The following PDE8B variants were observed in gnomAD, a reference collection of about 807,000 sequenced individuals.
PDE8B encodes the protein high affinity cAMP-specific and IBMX-insensitive 3',5'-cyclic phosphodiesterase 8B.
PDE8B carries 26 observed loss-of-function variants against 101.3 expected under a neutral mutation model. That is an observed-to-expected ratio of 0.26 (90% CI 0.19 to 0.36). The LOEUF is 0.36. PDE8B is among the 10% of genes least tolerant of loss of function. The pLI is 1.00. For missense variants in PDE8B, 810 were observed against 1,163.1 expected, an observed-to-expected ratio of 0.70 and a Z score of 4.42; for synonymous variants, 424 against 429.3, an observed-to-expected ratio of 0.99 and a Z score of 0.15.
At chr5:77,114,636 A>G in the PDE8B span, 1 of 152,238 alleles carries the variant, frequency 6.6e-6, no homozygotes, top group Non-Finnish European at 1.5e-5. Flanking sequence ...CGTTGTGCAC[A>G]TGTACGCTAG....
At chr5:77,139,184 C>T in the PDE8B span, 1 of 152,280 alleles carries the variant, frequency 6.6e-6, no homozygotes, top group Admixed American at 6.5e-5. Flanking sequence ...ATGATGGTTG[C>T]TAAGCGAAAC....
In PDE8B at chr5:77,378,320, G is replaced by A. The variant is rs529159720; in HGVS notation, c.1168-21928G>A. Among the ~76,000 whole-genome samples, 194 of 151,970 alleles carry A rather than the reference G, an allele frequency of 1.3e-3. 1 individual carries two copies. Among genetic ancestry groups the A allele is most frequent in the African/African-American group, 4.5e-3 (188 of 41,428 alleles). The stretch of plus-strand genomic sequence containing the variant: ...CTAAAAATACAAAAATCAGCTGGGT[G>A]TGGTGCTACACACCTGTAGTCCCAG... On this transcript the variant is annotated intron_variant, in intron 10 of 21. Transcript: ENST00000264917.
chr5:77,374,588 T>C (rs918850374), intron 10 of PDE8B, among the ~76,000 whole-genome samples: 1 of 152,240 alleles, frequency 6.6e-6, no homozygotes, highest in African/African-American at 2.4e-5. Context: ...TAGCCTAATA[T>C]GGTACCAATT....
intron 1 of PDE8B, among the ~76,000 whole-genome samples, chr5:77,272,967 T>C (rs748992433): frequency 6.6e-6 from 1 of 152,198 alleles, no homozygotes; most frequent in African/African-American, 2.4e-5. Flanking sequence ...TGATTTTGAA[T>C]GGGCCTAATT....
chr5:77,100,225 T>G, the PDE8B span: 4 of 152,210 alleles, frequency 2.6e-5, no homozygotes, highest in Admixed American at 2.6e-4. Flanking sequence ...CTCACGTTTT[T>G]CCTCTCCTAG....
chr5:77,225,322 A>G (rs997943550), intron 1 of PDE8B, among the ~76,000 whole-genome samples: 5 of 152,236 alleles, frequency 3.3e-5, no homozygotes, highest in African/African-American at 1.2e-4. Context: ...CTATAAAATT[A>G]TCAGTTTATA....
chr5:77,394,812 A>AT (rs1265980587), intron 10 of PDE8B, among the ~76,000 whole-genome samples: 28 of 152,104 alleles, frequency 1.8e-4, no homozygotes, highest in Admixed American at 1.8e-3. Context: ...CCCCTAGACC[A>AT]TTTTACCCTC....
chr5:77,367,306 T>C (rs1784322723), intron 10 of PDE8B, among the ~76,000 whole-genome samples: 1 of 152,154 alleles, frequency 6.6e-6, no homozygotes, highest in Non-Finnish European at 1.5e-5. Flanking sequence ...TGGGGTACAC[T>C]CTGGTTCCTC....
At chr5:77,169,016 CAG>C in the PDE8B span, among the ~76,000 whole-genome samples, 5 of 152,174 alleles carry the variant, frequency 3.3e-5, no homozygotes, top group African/African-American at 1.2e-4. Context: ...GTAAAACCAA[CAG>C]AGTCTGGGGA....
chr5:77,377,496 C>T (rs376565751), intron 10 of PDE8B, among the ~76,000 whole-genome samples: 15 of 152,314 alleles, frequency 9.8e-5, no homozygotes, highest in African/African-American at 3.4e-4. Flanking sequence ...TTAAAAGCCA[C>T]GGGCTAATAT....
Position 77,210,805 on chromosome 5 carries a change from G to C in PDE8B, c.-121G>C, listed in dbSNP as rs1459532478. On this transcript the variant is annotated 5_prime_UTR_variant, in exon 1 of 22. Transcript: ENST00000264917. This position sits in a 1 kb window ranked among gnomAD's most constrained non-coding sequence, Gnocchi z 4.9. ...AGCCCGACGGAGCGGCGGACACACAGGCCGGGGGGCGCGCAGTCCGGGCGC... is the reference window on the plus strand; with the variant it reads ...AGCCCGACGGAGCGGCGGACACACACGCCGGGGGGCGCGCAGTCCGGGCGC... 24 of 984,474 alleles carry C rather than the reference G, an allele frequency of 2.4e-5. No homozygotes were observed. Among genetic ancestry groups the C allele is most frequent in the Non-Finnish European group, 2.9e-5 (24 of 830,902 alleles). 61.0% of individuals were successfully genotyped at this position (984,474 alleles called of 1,614,324 possible). A position where few individuals can be genotyped will look rare whatever the true frequency, so the allele number is the denominator to read the frequency against.
In PDE8B at chr5:77,411,679, G is replaced by A. The variant is rs774186250; in HGVS notation, c.1534G>A (p.Gly512Ser). Residue 512 changes from glycine (G) to serine (S), a missense_variant, in exon 15 of 22, where the codon GGC becomes AGC. This residue lies in a region of PDE8B where 325 missense variants were observed against 560.9 expected (regional missense o/e 0.58). Transcript: ENST00000264917. ...SDLVGGLMTD[G>S]LRRLSGNEYV... ...ACAGGCTCTTCCTTTATTCCAGGAC[G>A]GCTTGAGAAGACTGTCAGGAAACGA... The A allele has an allele frequency of 3.7e-6, 6 of 1,610,334 alleles. No homozygotes were observed. The highest frequency in any genetic ancestry group is 1.3e-5 in the African/African-American group (1 of 74,914).
At chr5:77,100,041 A>C in the PDE8B span, among the ~76,000 whole-genome samples, 2 of 152,238 alleles carry the variant, frequency 1.3e-5, no homozygotes, top group South Asian at 2.1e-4. Context: ...GTTAGGAAGA[A>C]CTGGTACAGA....
chr5:77,157,552 G>T, the PDE8B span, among the ~76,000 whole-genome samples: 2 of 152,216 alleles, frequency 1.3e-5, no homozygotes, highest in Admixed American at 6.5e-5. Context: ...TAAGTCATGA[G>T]GCGAACTATA....
At chr5:77,097,843 C>G in the PDE8B span, among the ~76,000 whole-genome samples, 1 of 148,182 alleles carries the variant, frequency 6.7e-6, no homozygotes, top group African/African-American at 2.5e-5. Context: ...CTACAGCACA[C>G]CAAGGGTTAC....
At chr5:77,274,551 G>T (rs1417131180) in intron 1 of PDE8B, among the ~76,000 whole-genome samples, 2 of 152,290 alleles carry the variant, frequency 1.3e-5, no homozygotes, top group East Asian at 3.9e-4. Context: ...TACATGTGGG[G>T]GACAAATGGA....
At chr5:77,149,618 G>T in the PDE8B span, among the ~76,000 whole-genome samples, 1 of 152,110 alleles carries the variant, frequency 6.6e-6, no homozygotes, top group South Asian at 2.1e-4. Flanking sequence ...TTGAGGCTTT[G>T]TGAATAGAAT....
intron 10 of PDE8B, chr5:77,358,513 G>A: frequency 1.2e-6 from 1 of 807,268 alleles, no homozygotes; most frequent in Non-Finnish European, 1.5e-6. Context: ...TTCCTCCTAT[G>A]TATGCCCCAT....
chr5:77,384,077 A>G lies in PDE8B; in HGVS notation c.1168-16171A>G, dbSNP rs527946637. ...GAATCTCTAAATTACTATGGGCAGT[A>G]TGGCCATTTTTCATGATATTGATTC... is the stretch of plus-strand genomic sequence containing the variant. On this transcript the variant is annotated intron_variant, in intron 10 of 21. Transcript: ENST00000264917. Among the ~76,000 whole-genome samples the G allele has an allele frequency of 5.3e-5, 8 of 152,276 alleles. No individual in the cohort carries two copies. In the South Asian group the frequency reaches 1.7e-3, roughly 32 times the overall value.
Sources: allele counts gnomAD v4.1 joint callset (sites outside exome capture counted in the v4.1 genomes callset), GRCh38; gene constraint gnomAD v4.1.1; regional missense constraint gnomAD v4.1.1; non-coding constraint Gnocchi (gnomAD v3.1); transcripts MANE v1.5; gene names NCBI Gene and HGNC (gene_info 2026-07-23, HGNC 2026-07-21).